The following C10orf67 variants were observed in gnomAD, a reference collection of about 807,000 sequenced individuals.
C10orf67 encodes the protein chromosome 10 open reading frame 67.
Under a neutral mutation model 35.6 loss-of-function variants are expected in C10orf67, and 60 were observed. The observed-to-expected ratio is 1.68, with a 90% confidence interval of 1.37 to 2.09. C10orf67 has a LOEUF of 2.09. Ranked by LOEUF, C10orf67 falls within the 30% of genes most tolerant of loss-of-function variation. The pLI, the probability that C10orf67 is intolerant of heterozygous loss-of-function variation, is 0.00. For missense variants in C10orf67, 474 were observed against 330.2 expected (o/e 1.44, Z -3.38); for synonymous variants, 167 against 115.8 (o/e 1.44, Z -2.84).
At chr10:23,275,534 C>T (rs547555899) in intron 8 of C10orf67, among the ~76,000 whole-genome samples, 19 of 152,088 alleles carry the variant, frequency 1.2e-4, no homozygotes, top group Non-Finnish European at 2.6e-4. Context: ...CAGGAATGAC[C>T]TTTGGTTCTC....
chr10:23,267,090 A>G, intron 9 of C10orf67, 105 bp downstream of exon 9: 1 of 605,416 alleles, frequency 1.7e-6, no homozygotes, highest in Non-Finnish European at 3.0e-6. Flanking sequence ...CAGGTTGGAA[A>G]GTGAAAAACC....
intron 8 of C10orf67, among the ~76,000 whole-genome samples, chr10:23,279,514 G>C (rs1344314366): frequency 2.0e-5 from 3 of 152,258 alleles, no homozygotes; most frequent in Admixed American, 2.0e-4. Context: ...TGTGCCCCCA[G>C]AATGGGGCTA....
At chr10:23,224,200 C>G (rs1395582797) in intron 13 of C10orf67, among the ~76,000 whole-genome samples, 1 of 152,180 alleles carries the variant, frequency 6.6e-6, no homozygotes, top group Non-Finnish European at 1.5e-5. Context: ...AACGATCAGG[C>G]AGTAACATTT....
intron 10 of C10orf67, among the ~76,000 whole-genome samples, chr10:23,253,770 T>G (rs1423376481): frequency 6.6e-6 from 1 of 152,208 alleles, no homozygotes; most frequent in Non-Finnish European, 1.5e-5. Flanking sequence ...TAACTAGAGA[T>G]AAGTCTGTTC....
chr10:23,318,216 C>T (rs1844810639), intron 4 of C10orf67: 1 of 151,616 alleles, frequency 6.6e-6, no homozygotes, highest in Admixed American at 6.6e-5. Flanking sequence ...GCCTATCTCT[C>T]CTCTGTAAGA....
At chr10:23,335,794 T>C (rs2132403089) in intron 1 of C10orf67, among the ~76,000 whole-genome samples, 1 of 152,308 alleles carries the variant, frequency 6.6e-6, no homozygotes, top group Non-Finnish European at 1.5e-5. Context: ...TCATTTCTCA[T>C]TACATACACT....
rs1323516664 is a variant in C10orf67, at chr10:23,239,786, TG to T, written c.1376del (p.Thr459LysfsTer22). ...SFHVLKNEMF[T>X]RHTLFRQFAV... ...CAAACTGACGAAACAGTGTGTGCCT[TG>T]TAAACATCTCATTCTTAAGGACATG... On this transcript the variant is annotated frameshift_variant, in exon 13 of 16. Transcript: ENST00000636213. LOFTEE classifies it high-confidence loss of function. 1 of 635,032 alleles carries T rather than the reference TG, an allele frequency of 1.6e-6. No homozygotes were observed. The highest frequency in any genetic ancestry group is 1.8e-5 in the African/African-American group (1 of 56,520). The allele number at this position is 635,032 out of a possible 1,614,324, so 39.3% of individuals were successfully genotyped here.
intron 12 of C10orf67, among the ~76,000 whole-genome samples, chr10:23,244,491 A>G (rs1353645876): frequency 1.3e-5 from 2 of 152,212 alleles, no homozygotes; most frequent in Non-Finnish European, 1.5e-5. Flanking sequence ...CAGCAGAGCT[A>G]ATAAATTCAG....
chr10:23,224,341 C>G (rs960834917), intron 13 of C10orf67, among the ~76,000 whole-genome samples: 3 of 152,254 alleles, frequency 2.0e-5, no homozygotes, highest in Non-Finnish European at 2.9e-5. Context: ...GGAAAACGAA[C>G]AAACAGAAAG....
intron 6 of C10orf67, among the ~76,000 whole-genome samples, chr10:23,290,703 A>G (rs1029699235): frequency 1.1e-4 from 16 of 152,240 alleles, no homozygotes; most frequent in African/African-American, 3.6e-4. Flanking sequence ...AAGTACTAGC[A>G]TATTTTCCTG....
chr10:23,271,393 C>T (rs1338862372), intron 8 of C10orf67, among the ~76,000 whole-genome samples: 1 of 152,176 alleles, frequency 6.6e-6, no homozygotes, highest in Non-Finnish European at 1.5e-5. Flanking sequence ...TGACCCAAGA[C>T]TTTGTGTGAA....
chr10:23,235,939 A>C (rs186672040), intron 13 of C10orf67, among the ~76,000 whole-genome samples: 9 of 152,178 alleles, frequency 5.9e-5, no homozygotes, highest in Middle Eastern at 3.4e-3. Flanking sequence ...ACATGGTGAA[A>C]TCTGTCTCCA....
chr10:23,238,300 TC>T (rs1403248973), intron 13 of C10orf67, among the ~76,000 whole-genome samples: 1 of 152,204 alleles, frequency 6.6e-6, no homozygotes, highest in Admixed American at 6.5e-5. Flanking sequence ...TCTCTCCCCT[TC>T]CCCATCAGTT....
At chr10:23,267,712 C>T (rs755677503) in intron 8 of C10orf67, among the ~76,000 whole-genome samples, 22 of 152,134 alleles carry the variant, frequency 1.4e-4, no homozygotes, top group Non-Finnish European at 3.1e-4. Context: ...CAAGACCAGC[C>T]TGGCCAACAT....
chr10:23,257,267 G>C (rs763340202), intron 10 of C10orf67, among the ~76,000 whole-genome samples: 1 of 152,168 alleles, frequency 6.6e-6, no homozygotes, highest in Non-Finnish European at 1.5e-5. Context: ...GCTGGGGCCT[G>C]AGCACACAAC....
At position 23,336,148 on chromosome 10, in the gene C10orf67, C is replaced by G. The variant is rs562075305; in HGVS notation, c.207-2966G>C. 2.6e-5 allele frequency among the ~76,000 whole-genome samples: 4 copies of G among 152,162 alleles called. No individual in the cohort carries two copies. The East Asian group carries it at 5.8e-4, about 22-fold the overall frequency. Reference sequence around the variant, plus strand: ...AGGAGAGGACCACAATAGTGGGAGACTGGATACATTGAATGAGTAAGTAAA... The same window carrying G: ...AGGAGAGGACCACAATAGTGGGAGAGTGGATACATTGAATGAGTAAGTAAA... On this transcript the variant is annotated intron_variant, in intron 1 of 15. Coordinates refer to ENST00000636213, the MANE Select transcript of C10orf67 (RefSeq NM_001371909.1).
At chr10:23,328,251 A>T (rs1845274608) in intron 2 of C10orf67, among the ~76,000 whole-genome samples, 1 of 152,132 alleles carries the variant, frequency 6.6e-6, no homozygotes, top group African/African-American at 2.4e-5. Context: ...TACTGATGGA[A>T]CCATGACATT....
At chr10:23,323,462 C>T (rs747185605) in intron 2 of C10orf67, among the ~76,000 whole-genome samples, 15 of 151,758 alleles carry the variant, frequency 9.9e-5, no homozygotes, top group South Asian at 2.1e-4. Context: ...TCTTCAAAAA[C>T]TTAAAAGAAG....
chr10:23,219,465 G>A (rs1841518133), intron 15 of C10orf67, among the ~76,000 whole-genome samples: 1 of 152,180 alleles, frequency 6.6e-6, no homozygotes, highest in Non-Finnish European at 1.5e-5. Flanking sequence ...AGTACACAAT[G>A]GGCAGCTCAG....
Sources: gnomAD v4.1 joint callset for allele counts (sites outside exome capture counted in the v4.1 genomes callset) on GRCh38, gnomAD v4.1.1 for gene constraint, MANE v1.5 for transcripts, NCBI Gene and HGNC (gene_info 2026-07-23, HGNC 2026-07-21) for gene names.